ASAP1: variants seen among roughly 807,000 people sequenced by gnomAD.
ASAP1 encodes the protein arf-GAP with SH3 domain, ANK repeat and PH domain-containing protein 1.
In ASAP1, 43 loss-of-function variants were observed where a neutral mutation model predicts 145.2. The observed-to-expected ratio is 0.30, with a 90% CI of 0.23 to 0.38. ASAP1 has a LOEUF of 0.38. Ranked by LOEUF, ASAP1 falls within the 10% of genes least tolerant of loss-of-function variation. ASAP1 has a pLI of 1.00. For synonymous variants in ASAP1, 546 were observed against 515.5 expected, an observed-to-expected ratio of 1.06 and a Z score of -0.80; for missense variants, 1,018 against 1,355.3, an observed-to-expected ratio of 0.75 and a Z score of 3.91.
intron 3 of ASAP1, among the ~76,000 whole-genome samples, chr8:130,327,748 TTG>T (rs1185402961): frequency 2.0e-5 from 3 of 152,056 alleles, no homozygotes; most frequent in Admixed American, 6.6e-5. Flanking sequence ...AGTAAAGGAT[TTG>T]GAGGAAAATG....
intron 13 of ASAP1, among the ~76,000 whole-genome samples, chr8:130,138,453 C>T (rs1257290751): frequency 6.6e-6 from 1 of 152,114 alleles, no homozygotes; most frequent in African/African-American, 2.4e-5. Flanking sequence ...AAAGAGGAAA[C>T]AGTGCTTGGG....
At chr8:130,372,292 T>C (rs1470152333) in intron 2 of ASAP1, among the ~76,000 whole-genome samples, 1 of 152,228 alleles carries the variant, frequency 6.6e-6, no homozygotes, top group East Asian at 1.9e-4. Context: ...ACAAGGCAGA[T>C]TCCACACAGG....
chr8:130,060,029 G>A (rs895621347), intron 28 of ASAP1, among the ~76,000 whole-genome samples: 1 of 138,684 alleles, frequency 7.2e-6, no homozygotes, highest in Non-Finnish European at 1.5e-5. Context: ...AGTGAGCTGT[G>A]ATCGCACCAC....
chr8:130,289,165 G>A (rs549618100), intron 3 of ASAP1, among the ~76,000 whole-genome samples: 284 of 151,980 alleles, frequency 1.9e-3, no homozygotes, highest in Non-Finnish European at 3.2e-3. Context: ...CAGCCTGGGC[G>A]ACAGAGCAAG....
At chr8:130,075,048 G>A (rs999657482) in intron 27 of ASAP1, among the ~76,000 whole-genome samples, 2 of 152,214 alleles carry the variant, frequency 1.3e-5, no homozygotes, top group Non-Finnish European at 2.9e-5. Context: ...AGCCCCATGG[G>A]CACTGGGAAG....
intron 3 of ASAP1, among the ~76,000 whole-genome samples, chr8:130,242,706 T>C (rs796095507): frequency 9.2e-5 from 14 of 152,304 alleles, no homozygotes; most frequent in African/African-American, 3.4e-4. Context: ...ATAATCATAA[T>C]GTGAAGGCAT....
intron 3 of ASAP1, among the ~76,000 whole-genome samples, chr8:130,341,446 T>G (rs1035292437): frequency 6.6e-6 from 1 of 152,204 alleles, no homozygotes; most frequent in Non-Finnish European, 1.5e-5. Flanking sequence ...GATCTTTGTA[T>G]AAACCTCGGT....
At chr8:130,438,839 G>C (rs969206478) in intron 1 of ASAP1, among the ~76,000 whole-genome samples, 18 of 152,158 alleles carry the variant, frequency 1.2e-4, no homozygotes, top group Admixed American at 3.9e-4. Context: ...TACAGCCACG[G>C]TAAGATGTCC....
intron 3 of ASAP1, among the ~76,000 whole-genome samples, chr8:130,308,905 G>A (rs936291563): frequency 6.6e-6 from 1 of 152,080 alleles, no homozygotes; most frequent in Admixed American, 6.6e-5. Context: ...AGCTGGGCAC[G>A]GTGGTGTGCG....
intron 3 of ASAP1, among the ~76,000 whole-genome samples, chr8:130,239,815 C>G (rs1186440143): frequency 1.3e-5 from 2 of 152,016 alleles, no homozygotes; most frequent in Admixed American, 1.3e-4. Flanking sequence ...AAACCTTGGG[C>G]CTTAGAGAAA....
intron 1 of ASAP1, among the ~76,000 whole-genome samples, chr8:130,431,710 C>A (rs1456484984): frequency 1.3e-5 from 2 of 151,950 alleles, no homozygotes; most frequent in Non-Finnish European, 2.9e-5. Context: ...ATTATCTGGA[C>A]ATGTCTGGCC....
At chr8:130,400,665 C>T (rs1828751360) in intron 2 of ASAP1, among the ~76,000 whole-genome samples, 2 of 151,936 alleles carry the variant, frequency 1.3e-5, no homozygotes, top group East Asian at 2.0e-4. Flanking sequence ...ATGGCAGGCG[C>T]CTGTAGTCCC....
chr8:130,339,800 C>T (rs1416044818), intron 3 of ASAP1, among the ~76,000 whole-genome samples: 1 of 152,112 alleles, frequency 6.6e-6, no homozygotes, highest in Non-Finnish European at 1.5e-5. Context: ...GATGGTTGAC[C>T]TCCATGATTT....
rs1393363794 is a variant in ASAP1 at position 130,358,530 on chromosome 8, C to A, written c.60-387G>T. ...GCCGCTGGGGCGTGCGCGGGCTGGG[C>A]GGCTGGGGCGCCCGGCGCTGCCTCC... On this transcript the variant is annotated intron_variant, in intron 2 of 29. Coordinates refer to ENST00000518721, the MANE Select transcript of ASAP1 (RefSeq NM_018482.4). The surrounding 1 kb of genome is among the most constrained non-coding windows in gnomAD (Gnocchi z 4.1). 6.8e-6 allele frequency among the ~76,000 whole-genome samples: 1 copy of A among 147,340 alleles called. No individual in the cohort carries two copies. Among genetic ancestry groups the A allele is most frequent in the African/African-American group, 2.5e-5 (1 of 40,758 alleles).
chr8:130,184,392 T>C (rs1160941961), intron 7 of ASAP1, among the ~76,000 whole-genome samples: 2 of 149,030 alleles, frequency 1.3e-5, no homozygotes, highest in South Asian at 2.2e-4. Flanking sequence ...GGTAAAAGAG[T>C]TGGAAAAAGG....
At chr8:130,120,574 G>T (rs1426578428) in intron 18 of ASAP1, among the ~76,000 whole-genome samples, 1 of 152,314 alleles carries the variant, frequency 6.6e-6, no homozygotes. Context: ...GCAAAGTTGC[G>T]GGGAGGTAGA....
At chr8:130,346,538 G>C (rs1217223672) in intron 3 of ASAP1, among the ~76,000 whole-genome samples, 1 of 152,164 alleles carries the variant, frequency 6.6e-6, no homozygotes, top group Non-Finnish European at 1.5e-5. Flanking sequence ...GTGAAATGAA[G>C]AAACAGCACC....
rs1448161198 is a variant in ASAP1 at position 130,358,798 on chromosome 8, T to G, written c.60-655A>C. ...AGCCCCTGGGGCCTGGCTCCGAAGCTGCCGCTCCCGACCCCGGCTGCGCGG... is the reference window on the plus strand; with the variant it reads ...AGCCCCTGGGGCCTGGCTCCGAAGCGGCCGCTCCCGACCCCGGCTGCGCGG... On this transcript the variant is annotated intron_variant, in intron 2 of 29. Transcript: ENST00000518721. The surrounding 1 kb of genome is among the most constrained non-coding windows in gnomAD (Gnocchi z 4.1). 6.8e-6 allele frequency among the ~76,000 whole-genome samples: 1 copy of G among 146,768 alleles called. No homozygotes were observed. The highest frequency in any genetic ancestry group is 2.1e-4 in the South Asian group (1 of 4,708).
intron 8 of ASAP1, among the ~76,000 whole-genome samples, chr8:130,180,341 C>A (rs890175059): frequency 2.6e-5 from 4 of 152,096 alleles, no homozygotes; most frequent in Admixed American, 2.6e-4. Context: ...TTGCATTTTT[C>A]GTGAAATCGA....
Sources: gnomAD v4.1 joint callset for allele counts (sites outside exome capture counted in the v4.1 genomes callset) on GRCh38, gnomAD v4.1.1 for gene constraint, Gnocchi (gnomAD v3.1) non-coding constraint, MANE v1.5 for transcripts, NCBI Gene and HGNC (gene_info 2026-07-23, HGNC 2026-07-21) for gene names.